The following ASTN1 variants were observed in gnomAD, a reference collection of about 807,000 sequenced individuals.
ASTN1 encodes the protein astrotactin-1.
ASTN1 carries 41 observed loss-of-function variants against 140.7 expected under a neutral mutation model. That is an observed-to-expected ratio of 0.29 (90% CI 0.23 to 0.38). The LOEUF is 0.38. ASTN1 is among the 10% of genes least tolerant of loss of function. ASTN1 has a pLI of 1.00. For synonymous variants in ASTN1, 640 were observed against 652.2 expected (o/e 0.98, Z 0.29); for missense variants, 1,479 against 1,678.8 (o/e 0.88, Z 2.08).
At chr1:177,026,165 A>G (rs1455616379) in intron 5 of ASTN1, among the ~76,000 whole-genome samples, 1 of 152,124 alleles carries the variant, frequency 6.6e-6, no homozygotes, top group Non-Finnish European at 1.5e-5. Flanking sequence ...TGGAAAGGAG[A>G]GACTTGAGGG....
At chr1:177,003,676 G>A (rs888823661) in intron 8 of ASTN1, among the ~76,000 whole-genome samples, 2 of 152,018 alleles carry the variant, frequency 1.3e-5, no homozygotes. Context: ...GCTGGGTATG[G>A]TGGCAGGTAC....
chr1:176,878,352 C>G (rs1668650607), intron 20 of ASTN1, among the ~76,000 whole-genome samples: 1 of 152,124 alleles, frequency 6.6e-6, no homozygotes, highest in South Asian at 2.1e-4. Context: ...ATGGTCTTAC[C>G]TTGTACTCAA....
At chr1:176,930,319 G>A (rs147681049) in intron 16 of ASTN1, among the ~76,000 whole-genome samples, 1 of 152,260 alleles carries the variant, frequency 6.6e-6, no homozygotes, top group East Asian at 1.9e-4. Flanking sequence ...TCATTGAGGT[G>A]CCTGGAGAAT....
chr1:177,149,848 A>G (rs1682950554), intron 1 of ASTN1, among the ~76,000 whole-genome samples: 1 of 130,980 alleles, frequency 7.6e-6, no homozygotes, highest in African/African-American at 3.0e-5. Context: ...ATATATATAC[A>G]GTGTATATAC....
At chr1:176,983,625 A>C (rs1299777891) in intron 8 of ASTN1, among the ~76,000 whole-genome samples, 1 of 152,120 alleles carries the variant, frequency 6.6e-6, no homozygotes, top group African/African-American at 2.4e-5. Context: ...GTTAAAATTC[A>C]CAGGGTTGTT....
At chr1:176,892,594 T>C (rs1669312893) in intron 17 of ASTN1, among the ~76,000 whole-genome samples, 1 of 152,222 alleles carries the variant, frequency 6.6e-6, no homozygotes, top group African/African-American at 2.4e-5. Context: ...CATTATATGG[T>C]TTGACCTATT....
intron 1 of ASTN1, among the ~76,000 whole-genome samples, chr1:177,109,069 C>A (rs905782625): frequency 1.7e-4 from 26 of 152,184 alleles, no homozygotes; most frequent in Admixed American, 4.6e-4. Flanking sequence ...GTCCGAAGAA[C>A]ACTTAGAATA....
At chr1:176,871,170 A>G (rs1296421391) in intron 21 of ASTN1, among the ~76,000 whole-genome samples, 2 of 152,180 alleles carry the variant, frequency 1.3e-5, no homozygotes, top group Non-Finnish European at 2.9e-5. Flanking sequence ...AGATGCCAAG[A>G]AAGAGGGAAT....
At chr1:176,996,599 G>T (rs1674460439) in intron 8 of ASTN1, among the ~76,000 whole-genome samples, 1 of 152,196 alleles carries the variant, frequency 6.6e-6, no homozygotes, top group African/African-American at 2.4e-5. Context: ...TCAGTTCAAA[G>T]GAATTGCAGT....
At chr1:177,139,756 A>C (rs1370490836) in intron 1 of ASTN1, among the ~76,000 whole-genome samples, 1 of 152,152 alleles carries the variant, frequency 6.6e-6, no homozygotes, top group East Asian at 1.9e-4. Flanking sequence ...AACCTTCACT[A>C]ATCTTTCTTG....
Position 176,864,292 on chromosome 1 carries a change from C to G in ASTN1, c.3877G>C (p.Glu1293Gln), listed in dbSNP as rs1166521591. The G allele has an allele frequency of 6.2e-7, 1 of 1,613,874 alleles. No homozygotes were observed. ...TCCCTGGCCTTATGGTGCTAGATCT[C>G]TTTGCTGTCCCCATAGTCGTTGTAG... ...IPYNDYGDSK[E>Q]I Residue 1293 changes from glutamate to glutamine, a missense_variant, in exon 23 of 23, where the codon GAG becomes CAG. Glu to Gln is a conservative substitution (Grantham distance 29). Transcript: ENST00000361833.
intron 16 of ASTN1, among the ~76,000 whole-genome samples, chr1:176,900,526 C>T (rs1474480667): frequency 6.6e-6 from 1 of 152,152 alleles, no homozygotes; most frequent in East Asian, 1.9e-4. Flanking sequence ...AGCCCCACAC[C>T]ATCCACTTCT....
At chr1:176,890,475 G>A (rs1669215163) in intron 17 of ASTN1, among the ~76,000 whole-genome samples, 1 of 152,184 alleles carries the variant, frequency 6.6e-6, no homozygotes, top group South Asian at 2.1e-4. Flanking sequence ...GTAAAAGACA[G>A]CCTGAGGGAG....
intron 4 of ASTN1, among the ~76,000 whole-genome samples, chr1:177,030,341 T>A (rs1029623582): frequency 6.6e-6 from 1 of 152,158 alleles, no homozygotes; most frequent in Non-Finnish European, 1.5e-5. Flanking sequence ...TTATGCTGTA[T>A]CTTCTATTTT....
At chr1:176,982,479 T>G (rs1004082509) in intron 8 of ASTN1, among the ~76,000 whole-genome samples, 1 of 152,154 alleles carries the variant, frequency 6.6e-6, no homozygotes, top group Non-Finnish European at 1.5e-5. Context: ...AATGTCTGAT[T>G]CAGTAGGTCT....
chr1:177,008,597 A>G (rs1675121881), intron 8 of ASTN1, among the ~76,000 whole-genome samples: 2 of 150,784 alleles, frequency 1.3e-5, no homozygotes, highest in Non-Finnish European at 3.0e-5. Context: ...AAGGAGGAGG[A>G]AGAGAAGAAG....
At chr1:176,892,045 G>A (rs889707518) in intron 17 of ASTN1, among the ~76,000 whole-genome samples, 2 of 152,046 alleles carry the variant, frequency 1.3e-5, no homozygotes, top group African/African-American at 4.8e-5. Flanking sequence ...AAGTCTGAAG[G>A]GCCATAAGCA....
intron 1 of ASTN1, among the ~76,000 whole-genome samples, chr1:177,068,747 G>A (rs1462887017): frequency 6.6e-6 from 1 of 151,638 alleles, no homozygotes; most frequent in African/African-American, 2.4e-5. Flanking sequence ...CTGGATAAAT[G>A]TCTTTGCAGA....
chr1:177,085,608 C>A (rs193245779), intron 1 of ASTN1, among the ~76,000 whole-genome samples: 45 of 152,274 alleles, frequency 3.0e-4, no homozygotes, highest in African/African-American at 9.1e-4. Context: ...TCTGAGTGAA[C>A]CTCAGATCTC....
Sources: allele counts gnomAD v4.1 joint callset (sites outside exome capture counted in the v4.1 genomes callset), GRCh38; gene constraint gnomAD v4.1.1; transcripts MANE v1.5; gene names NCBI Gene and HGNC (gene_info 2026-07-23, HGNC 2026-07-21).